Variants in PPP1R13B observed in about 807,000 individuals in gnomAD.
The protein encoded by PPP1R13B is protein phosphatase 1 regulatory subunit 13B.
PPP1R13B carries 44 observed loss-of-function variants against 119.8 expected under a neutral mutation model. The observed-to-expected ratio is 0.37, with a 90% CI of 0.29 to 0.47. PPP1R13B has a LOEUF of 0.47. Among genes scored for constraint, PPP1R13B ranks in the 20% least tolerant of loss-of-function variants. PPP1R13B has a pLI of 0.99. For missense variants in PPP1R13B, 1,227 were observed against 1,413.5 expected (o/e 0.87, Z 2.12); for synonymous variants, 542 against 561.5 (o/e 0.97, Z 0.49).
At chr14:103,819,818 A>C (rs1036627854) in intron 1 of PPP1R13B, among the ~76,000 whole-genome samples, 1 of 152,144 alleles carries the variant, frequency 6.6e-6, no homozygotes, top group Non-Finnish European at 1.5e-5. Context: ...CCCCCTTTTG[A>C]GAGGTTACAA....
chr14:103,743,223 A>G (rs995188210), intron 9 of PPP1R13B, among the ~76,000 whole-genome samples: 7 of 152,256 alleles, frequency 4.6e-5, no homozygotes, highest in African/African-American at 1.7e-4. Flanking sequence ...ATACAATTAC[A>G]TAGAGCAATA....
rs539342016 is a variant in PPP1R13B, at chr14:103,800,873, G to C, written c.10-3355C>G. Among the ~76,000 whole-genome samples, 38 of 151,294 alleles carry C rather than the reference G, an allele frequency of 2.5e-4. No homozygotes were observed. In the South Asian group the frequency reaches 6.3e-3, roughly 25 times the overall value. On this transcript the variant is annotated intron_variant, in intron 1 of 16. Coordinates refer to ENST00000202556, the MANE Select transcript of PPP1R13B (RefSeq NM_015316.3). The stretch of plus-strand genomic sequence containing the variant: ...TTTTTTCTTCTTCTTTTTTTGAGAC[G>C]GAGTTTCGCTCTTGTTGCCCAGGTT...
intron 4 of PPP1R13B, among the ~76,000 whole-genome samples, chr14:103,757,965 G>A (rs1174641285): frequency 6.6e-6 from 1 of 152,072 alleles, no homozygotes; most frequent in Non-Finnish European, 1.5e-5. Context: ...ATCAGATACC[G>A]TATTTAGTAA....
intron 1 of PPP1R13B, among the ~76,000 whole-genome samples, chr14:103,827,103 T>A (rs1567154670): frequency 6.6e-6 from 1 of 151,706 alleles, no homozygotes; most frequent in Non-Finnish European, 1.5e-5. Flanking sequence ...GGCGGGTGGA[T>A]CATGAGGTCA....
At chr14:103,744,839 C>T (rs1047104062) in intron 9 of PPP1R13B, among the ~76,000 whole-genome samples, 2 of 152,206 alleles carry the variant, frequency 1.3e-5, no homozygotes, top group African/African-American at 4.8e-5. Context: ...AGCACAGGTT[C>T]CCCGTGTCCA....
intron 9 of PPP1R13B, among the ~76,000 whole-genome samples, chr14:103,744,470 G>A (rs1315335944): frequency 6.6e-6 from 1 of 152,146 alleles, no homozygotes; most frequent in African/African-American, 2.4e-5. Context: ...TTGAAGAAAG[G>A]GACAAATTAC....
intron 1 of PPP1R13B, among the ~76,000 whole-genome samples, chr14:103,824,628 G>A (rs1351656455): frequency 6.6e-6 from 1 of 151,524 alleles, no homozygotes; most frequent in Non-Finnish European, 1.5e-5. Flanking sequence ...CTGGGAGGTA[G>A]AGGTTGCAGT....
chr14:103,762,197 C>CTAAG (rs1211078198), intron 4 of PPP1R13B, among the ~76,000 whole-genome samples: 1 of 152,198 alleles, frequency 6.6e-6, no homozygotes, highest in Non-Finnish European at 1.5e-5. Flanking sequence ...TTTAAAGGAG[C>CTAAG]TAAGCTACAG....
At chr14:103,758,641 GC>G (rs2084732604) in intron 4 of PPP1R13B, among the ~76,000 whole-genome samples, 7 of 152,242 alleles carry the variant, frequency 4.6e-5, no homozygotes, top group Admixed American at 2.0e-4. Context: ...TGGGTGAGGA[GC>G]TATGGGGGTG....
intron 15 of PPP1R13B, chr14:103,737,485 AG>A (rs1474934288): frequency 1.4e-5 from 7 of 507,340 alleles, no homozygotes; most frequent in Non-Finnish European, 2.3e-5. Flanking sequence ...CTGAAGTGGG[AG>A]GATCAATTGA....
rs1424210312 is a variant in PPP1R13B, at chr14:103,740,590, T to C, written c.1826A>G (p.Tyr609Cys). 4 of 1,518,142 alleles carry C rather than the reference T, an allele frequency of 2.6e-6. No individual in the cohort carries two copies. Among genetic ancestry groups the C allele is most frequent in the Non-Finnish European group, 3.5e-6 (4 of 1,132,740 alleles). The allele number at this position is 1,518,142 out of a possible 1,614,324, so 94.0% of individuals were successfully genotyped here. Residue 609 changes from tyrosine to cysteine, a missense_variant, in exon 12 of 17, where the codon TAT becomes TGT. Physicochemically the swap from Tyr to Cys is radical, Grantham distance 194 (BLOSUM62 -2). Transcript: ENST00000202556. This position sits in a 1 kb window ranked among gnomAD's most constrained non-coding sequence, Gnocchi z 4.6. Reference sequence around the variant, plus strand: ...ACCCGAAGGTAAAACGGGCTTACCATACACTGGGGAAGACACAAAGGACAG... The same window carrying C: ...ACCCGAAGGTAAAACGGGCTTACCACACACTGGGGAAGACACAAAGGACAG... ...SALNKSVKAV[Y>C]GKPVLPSGST...
rs2085768759 is a variant in PPP1R13B at position 103,796,785 on chromosome 14, C to CG, written c.157+585dup. ...CAGCCTGGGCAACATGGTGAAACCC[C>CG]GATTCTACTAAAAATACAAAAAATT... On this transcript the variant is annotated intron_variant, in intron 2 of 16. Transcript: ENST00000202556. 3.3e-5 allele frequency among the ~76,000 whole-genome samples: 5 copies of CG among 152,092 alleles called. No individual in the cohort carries two copies. The South Asian group carries it at 1.0e-3, about 32-fold the overall frequency.
chr14:103,781,683 G>A (rs542325564), intron 3 of PPP1R13B, among the ~76,000 whole-genome samples: 1 of 152,006 alleles, frequency 6.6e-6, no homozygotes, highest in East Asian at 1.9e-4. Flanking sequence ...ACACAGTCTC[G>A]CTCTGTCGCC....
chr14:103,812,127 G>GTT (rs754523884), intron 1 of PPP1R13B, among the ~76,000 whole-genome samples: 43 of 121,308 alleles, frequency 3.5e-4, no homozygotes, highest in African/African-American at 3.0e-4. Context: ...TCTGTGTGTG[G>GTT]TTTTTTTTTT....
At chr14:103,736,295 G>C in intron 15 of PPP1R13B, 93 bp from the exon 16 acceptor site, 1 of 1,380,528 alleles carries the variant, frequency 7.2e-7, no homozygotes, top group Non-Finnish European at 1.0e-6. Flanking sequence ...TGCTGCTGCC[G>C]AGGCTGCTCT....
At chr14:103,821,192 C>A (rs1165787556) in intron 1 of PPP1R13B, among the ~76,000 whole-genome samples, 2 of 152,192 alleles carry the variant, frequency 1.3e-5, no homozygotes, top group Non-Finnish European at 2.9e-5. Context: ...ATTCTCATCC[C>A]TGCATGACAC....
chr14:103,807,388 T>C (rs1292206805), intron 1 of PPP1R13B, among the ~76,000 whole-genome samples: 1 of 152,216 alleles, frequency 6.6e-6, no homozygotes, highest in Non-Finnish European at 1.5e-5. Flanking sequence ...CTAGAACACA[T>C]AAGCTTCTTG....
chr14:103,791,585 C>T (rs748181276), intron 2 of PPP1R13B, among the ~76,000 whole-genome samples: 6 of 151,984 alleles, frequency 3.9e-5, no homozygotes, highest in Non-Finnish European at 8.8e-5. Context: ...CTTAGCCAGG[C>T]GTGGTGGCAC....
At chr14:103,837,565 GCACT>G (rs1352175364) in intron 1 of PPP1R13B, among the ~76,000 whole-genome samples, 1 of 151,634 alleles carries the variant, frequency 6.6e-6, no homozygotes, top group Non-Finnish European at 1.5e-5. Context: ...ATGCACGCAA[GCACT>G]CACTCCCTCA....
Sources: gnomAD v4.1 joint callset for allele counts (sites outside exome capture counted in the v4.1 genomes callset) on GRCh38, gnomAD v4.1.1 for gene constraint, Gnocchi (gnomAD v3.1) non-coding constraint, MANE v1.5 for transcripts, NCBI Gene and HGNC (gene_info 2026-07-23, HGNC 2026-07-21) for gene names.